JPT2: variants seen among roughly 807,000 people sequenced by gnomAD.
The protein encoded by JPT2 is CRAMP_1 like.
In JPT2, 9 loss-of-function variants were observed where a neutral mutation model predicts 15.9. That is an observed-to-expected ratio of 0.57 (90% CI 0.34 to 0.99). The LOEUF is 0.99. Among genes scored for constraint, JPT2 ranks in the 50% least tolerant of loss-of-function variants. The pLI, the probability that JPT2 is intolerant of heterozygous loss-of-function variation, is 0.02. For missense variants in JPT2, 267 were observed against 252.1 expected (o/e 1.06, Z -0.40); for synonymous variants, 95 against 91.7 (o/e 1.04, Z -0.21).
intron 1 of JPT2, chr16:1,683,685 A>G (rs77163532): frequency 0.014 from 11,746 of 867,146 alleles, 162 homozygotes; most frequent in African/African-American, 0.061. Context: ...TTCCTGCTTT[A>G]TAGCAGGAGA....
Position 1,700,561 on chromosome 16 carries a change from C to A in JPT2, c.*1563C>A, listed in dbSNP as rs548213040. 207 of 185,206 alleles carry A rather than the reference C, an allele frequency of 1.1e-3. 4 individuals are homozygous for A. Among genetic ancestry groups the A allele is most frequent in the Admixed American group, 6.3e-4 (12 of 19,054 alleles). The allele number at this position is 185,206 out of a possible 1,614,324, so 11.5% of individuals were successfully genotyped here. ...GCCGCCTGCCAAGCTCCCCTTCCTA[C>A]ACCTGGCACACTGGGGTCTGCACAA... On this transcript the variant is annotated 3_prime_UTR_variant, in exon 5 of 5. Coordinates refer to ENST00000248098, the MANE Select transcript of JPT2 (RefSeq NM_144570.3).
intron 2 of JPT2, chr16:1,688,974 C>T (rs2037086498): frequency 2.0e-5 from 3 of 152,040 alleles, no homozygotes; most frequent in Non-Finnish European, 4.4e-5. Flanking sequence ...TTTGTGGTTT[C>T]CAAAAAATTC....
chr16:1,702,793 A>AG (rs2037187687), downstream of JPT2, among the ~76,000 whole-genome samples: 2 of 152,234 alleles, frequency 1.3e-5, no homozygotes, highest in Non-Finnish European at 2.9e-5. Context: ...ATCACAGGGA[A>AG]CTGTGTGGCT....
chr16:1,683,268 G>A (rs1270882642), intron 1 of JPT2, among the ~76,000 whole-genome samples: 2 of 150,708 alleles, frequency 1.3e-5, no homozygotes, highest in Non-Finnish European at 3.0e-5. Context: ...GAGCCACCAC[G>A]CCTGGCCTTA....
At chr16:1,686,759 G>T (rs1442259273) in intron 2 of JPT2, 1 of 152,184 alleles carries the variant, frequency 6.6e-6, no homozygotes, top group East Asian at 1.9e-4. Context: ...TAACCACCCA[G>T]TGGAGGTTAC....
chr16:1,697,908 TG>T, intron 4 of JPT2, 48 bp downstream of exon 4: 1 of 1,529,174 alleles, frequency 6.5e-7, no homozygotes, highest in Non-Finnish European at 9.0e-7. Context: ...TCATTATTTC[TG>T]GAAGAGTTGC....
In JPT2 at chr16:1,697,727, T is replaced by C; in HGVS notation, c.337-85T>C. On this transcript the variant is annotated intron_variant, in intron 3 of 4. Coordinates refer to ENST00000248098, the MANE Select transcript of JPT2 (RefSeq NM_144570.3). ...CAAGCATTTTTGTAAATTAAAAGGT[T>C]ATATGGTCCTGATTTTCATTGTCCA... 4 of 1,291,524 alleles carry C rather than the reference T, an allele frequency of 3.1e-6. No homozygotes were observed. In the South Asian group the frequency reaches 4.9e-5, roughly 16 times the overall value. 80.0% of individuals were successfully genotyped at this position (1,291,524 alleles called of 1,614,324 possible).
At chr16:1,695,821 A>G (rs556343930) in intron 3 of JPT2, among the ~76,000 whole-genome samples, 1 of 152,256 alleles carries the variant, frequency 6.6e-6, no homozygotes, top group East Asian at 1.9e-4. Context: ...CAGTGAGCTA[A>G]GATCATGCAA....
intron 2 of JPT2, among the ~76,000 whole-genome samples, chr16:1,690,980 T>A (rs1368549214): frequency 6.6e-6 from 1 of 152,260 alleles, no homozygotes; most frequent in East Asian, 1.9e-4. Flanking sequence ...AAAGGCCAAG[T>A]AACTTCCATA....
intron 1 of JPT2, chr16:1,683,409 A>G: frequency 1.3e-6 from 1 of 741,840 alleles, no homozygotes; most frequent in Non-Finnish European, 2.2e-6. Flanking sequence ...CTGCTCCCGG[A>G]CAGCCCTTTC....
Position 1,701,686 on chromosome 16 carries a change from A to G in JPT2, c.*2688A>G, listed in dbSNP as rs2037181299. 6.5e-6 allele frequency: 1 copy of G among 153,460 alleles called. No individual in the cohort carries two copies. Among genetic ancestry groups the G allele is most frequent in the Non-Finnish European group, 1.4e-5 (1 of 69,130 alleles). The allele number at this position is 153,460 out of a possible 1,614,324, so 9.5% of individuals were successfully genotyped here. ...CCTTAAGGTGTTTAACCTGCCTCTG[A>G]CCTGGCTTGCAATGCATAGGTGAGG... is the stretch of plus-strand genomic sequence containing the variant. On this transcript the variant is annotated 3_prime_UTR_variant, in exon 5 of 5. Transcript: ENST00000248098.
intron 2 of JPT2, among the ~76,000 whole-genome samples, chr16:1,687,879 C>T (rs1339540974): frequency 6.6e-6 from 1 of 152,196 alleles, no homozygotes; most frequent in Non-Finnish European, 1.5e-5. Context: ...GTCACACAGA[C>T]CTAGCCCCAC....
At chr16:1,683,653 G>A (rs1368325204) in intron 1 of JPT2, 27 of 1,177,530 alleles carry the variant, frequency 2.3e-5, no homozygotes, top group Middle Eastern at 1.9e-4. Flanking sequence ...CTCTGCAGGC[G>A]GAGACTGAAG....
intron 3 of JPT2, among the ~76,000 whole-genome samples, chr16:1,697,286 C>T (rs927126787): frequency 4.6e-5 from 7 of 152,114 alleles, no homozygotes; most frequent in African/African-American, 7.2e-5. Flanking sequence ...GGCTGAGGCA[C>T]GCAGATCACT....
chr16:1,683,406 C>A (rs964473868), intron 1 of JPT2: 1 of 736,418 alleles, frequency 1.4e-6, no homozygotes, highest in Non-Finnish European at 2.3e-6. Context: ...GTACTGCTCC[C>A]GGACAGCCCT....
chr16:1,683,966 G>T (rs911909561), intron 1 of JPT2, among the ~76,000 whole-genome samples: 1 of 152,188 alleles, frequency 6.6e-6, no homozygotes, highest in African/African-American at 2.4e-5. Context: ...ATAAAGTGGT[G>T]TAATGTTTGC....
chr16:1,687,543 A>T (rs578096580), intron 2 of JPT2, among the ~76,000 whole-genome samples: 2 of 152,144 alleles, frequency 1.3e-5, no homozygotes, highest in South Asian at 4.2e-4. Context: ...TCATGTCTGG[A>T]GCTGTTCCTA....
chr16:1,683,568 A>G, intron 1 of JPT2: 1 of 1,535,324 alleles, frequency 6.5e-7, no homozygotes, highest in Non-Finnish European at 8.7e-7. Context: ...CTGAGTGGAC[A>G]GGGGCCCTGG....
rs954588071 is a variant in JPT2 at position 1,698,772 on chromosome 16, G to A, written c.386-39G>A. On this transcript the variant is annotated intron_variant, in intron 4 of 4. Transcript: ENST00000248098. The surrounding 1 kb of genome is among the most constrained non-coding windows in gnomAD (Gnocchi z 4.9). ...AGCCTGCCTGTCAGGGTCATGGGTTGCCTCTAATGGGATGTTGTTCTAACT... is the reference window on the plus strand; with the variant it reads ...AGCCTGCCTGTCAGGGTCATGGGTTACCTCTAATGGGATGTTGTTCTAACT... 9 of 1,570,508 alleles carry A rather than the reference G, an allele frequency of 5.7e-6. No individual in the cohort carries two copies. The highest frequency in any genetic ancestry group is 7.8e-6 in the Non-Finnish European group (9 of 1,158,842).
Sources: allele counts gnomAD v4.1 joint callset (sites outside exome capture counted in the v4.1 genomes callset), GRCh38; gene constraint gnomAD v4.1.1; non-coding constraint Gnocchi (gnomAD v3.1); transcripts MANE v1.5; gene names NCBI Gene and HGNC (gene_info 2026-07-23, HGNC 2026-07-21).